CCDC170: variants seen among roughly 807,000 people sequenced by gnomAD.
CCDC170 encodes the protein coiled-coil domain-containing protein 170.
Under a neutral mutation model 72.6 loss-of-function variants are expected in CCDC170, and 69 were observed. The ratio of observed to expected loss-of-function variants is 0.95; its 90% CI spans 0.78 to 1.16. The LOEUF (loss-of-function observed/expected upper bound fraction) is 1.16. Among genes scored for constraint, CCDC170 ranks in the 50% most tolerant of loss-of-function variants. CCDC170 has a pLI of 0.00. For missense variants in CCDC170, 852 were observed against 832.5 expected (o/e 1.02, Z -0.29); for synonymous variants, 300 against 303.9 (o/e 0.99, Z 0.13).
intron 1 of CCDC170, among the ~76,000 whole-genome samples, chr6:151,515,012 A>T (rs1047875049): frequency 1.3e-5 from 2 of 152,244 alleles, no homozygotes; most frequent in African/African-American, 4.8e-5. Flanking sequence ...GATCAAGGTG[A>T]TGAGGAATGC....
intron 10 of CCDC170, among the ~76,000 whole-genome samples, chr6:151,616,232 A>C (rs1233509581): frequency 1.3e-5 from 2 of 152,100 alleles, no homozygotes; most frequent in African/African-American, 4.8e-5. Context: ...AACAGCCCCA[A>C]ATCTCAAACA....
intron 1 of CCDC170, among the ~76,000 whole-genome samples, chr6:151,503,279 A>T (rs1018017529): frequency 2.6e-5 from 4 of 152,144 alleles, no homozygotes. Flanking sequence ...AAAGAAAATA[A>T]AGCAGAATAA....
At chr6:151,505,471 C>G (rs541243576) in intron 1 of CCDC170, among the ~76,000 whole-genome samples, 1 of 152,118 alleles carries the variant, frequency 6.6e-6, no homozygotes, top group Admixed American at 6.5e-5. Flanking sequence ...GTCACGAGGT[C>G]AGGAGATCGA....
intron 3 of CCDC170, among the ~76,000 whole-genome samples, chr6:151,539,955 T>C (rs762989402): frequency 1.3e-5 from 2 of 152,194 alleles, no homozygotes; most frequent in Non-Finnish European, 2.9e-5. Flanking sequence ...ATCATATCTA[T>C]CTTCAAAACA....
At chr6:151,522,015 T>C (rs1386742223) in intron 1 of CCDC170, among the ~76,000 whole-genome samples, 1 of 147,864 alleles carries the variant, frequency 6.8e-6, no homozygotes, top group Non-Finnish European at 1.5e-5. Flanking sequence ...AAAAAATTTG[T>C]TGGGCATGTT....
intron 1 of CCDC170, among the ~76,000 whole-genome samples, chr6:151,521,574 G>C (rs1387011680): frequency 6.6e-6 from 1 of 152,120 alleles, no homozygotes; most frequent in Non-Finnish European, 1.5e-5. Flanking sequence ...TTACAGTTAA[G>C]GGAACAAGTT....
At chr6:151,596,241 A>G in intron 8 of CCDC170, 94 bp from the exon 9 acceptor site, 2 of 1,321,226 alleles carry the variant, frequency 1.5e-6, no homozygotes, top group South Asian at 3.3e-5. Context: ...ACTCTTATTG[A>G]GGTGTAGATA....
intron 4 of CCDC170, among the ~76,000 whole-genome samples, chr6:151,545,232 C>T (rs1405550880): frequency 6.6e-6 from 1 of 152,062 alleles, no homozygotes; most frequent in Non-Finnish European, 1.5e-5. Flanking sequence ...CCAGCCTGGC[C>T]AACATGGAGA....
chr6:151,602,271 A>T (rs1776721091), intron 9 of CCDC170, among the ~76,000 whole-genome samples: 1 of 152,162 alleles, frequency 6.6e-6, no homozygotes, highest in Non-Finnish European at 1.5e-5. Context: ...TTTTTCACGA[A>T]TTCCCCTACC....
At chr6:151,587,840 G>A (rs1776477020) in intron 7 of CCDC170, among the ~76,000 whole-genome samples, 1 of 152,200 alleles carries the variant, frequency 6.6e-6, no homozygotes, top group Non-Finnish European at 1.5e-5. Context: ...GGAAAAAGGA[G>A]CAATGACTTT....
At position 151,538,220 on chromosome 6, in the gene CCDC170, G is replaced by T. The variant is rs760511303; in HGVS notation, c.362G>T (p.Arg121Ile). 77 of 1,613,624 alleles carry T rather than the reference G, an allele frequency of 4.8e-5. No homozygotes were observed. In the South Asian group the frequency reaches 7.4e-4, roughly 15 times the overall value. Residue 121 changes from arginine to isoleucine, a missense_variant, in exon 3 of 11, where the codon AGA becomes ATA. Coordinates refer to ENST00000239374, the MANE Select transcript of CCDC170 (RefSeq NM_025059.4). ...ESAALSTSKI[R>I]TEITAHAAIK... ...GCAGCACTTTCCACTTCTAAAATCA[G>T]AACAGAAATCACAGCTCACGCTGCA... is the stretch of plus-strand genomic sequence containing the variant.
chr6:151,496,417 A>T (rs1040081986), intron 1 of CCDC170, among the ~76,000 whole-genome samples: 1 of 152,248 alleles, frequency 6.6e-6, no homozygotes, highest in Non-Finnish European at 1.5e-5. Flanking sequence ...TTGGCTTAAA[A>T]TAACTAAATT....
intron 10 of CCDC170, among the ~76,000 whole-genome samples, chr6:151,616,227 C>T (rs1776965559): frequency 6.6e-6 from 1 of 152,020 alleles, no homozygotes. Flanking sequence ...CAGGAAACAG[C>T]CCCAAATCTC....
intron 5 of CCDC170, among the ~76,000 whole-genome samples, chr6:151,564,949 G>C (rs1776106888): frequency 6.6e-6 from 1 of 152,138 alleles, no homozygotes; most frequent in Non-Finnish European, 1.5e-5. Flanking sequence ...CCTGCTGCTG[G>C]AGAAGGTGGG....
chr6:151,579,739 G>A (rs957007615), intron 6 of CCDC170, among the ~76,000 whole-genome samples: 47 of 152,278 alleles, frequency 3.1e-4, no homozygotes, highest in South Asian at 1.7e-3. Context: ...AATTCCTGGA[G>A]GGTTCTTTAG....
At chr6:151,577,442 A>G (rs1776318595) in intron 6 of CCDC170, among the ~76,000 whole-genome samples, 1 of 152,272 alleles carries the variant, frequency 6.6e-6, no homozygotes, top group Non-Finnish European at 1.5e-5. Flanking sequence ...TGTTTATGAA[A>G]TAATGACTTC....
At chr6:151,561,402 G>A (rs971027225) in intron 5 of CCDC170, among the ~76,000 whole-genome samples, 1 of 151,898 alleles carries the variant, frequency 6.6e-6, no homozygotes, top group Non-Finnish European at 1.5e-5. Context: ...TTTCTTGTAG[G>A]TCTGGTCTGG....
chr6:151,497,858 C>T (rs1781932060), intron 1 of CCDC170, among the ~76,000 whole-genome samples: 1 of 150,724 alleles, frequency 6.6e-6, no homozygotes, highest in Admixed American at 6.6e-5. Flanking sequence ...TGCCTGTAAT[C>T]CCAGTTACTG....
chr6:151,572,581 A>G (rs1416923477), intron 5 of CCDC170, among the ~76,000 whole-genome samples: 2 of 151,222 alleles, frequency 1.3e-5, no homozygotes, highest in Non-Finnish European at 2.9e-5. Flanking sequence ...CCACACAGAA[A>G]AGGCTTATGT....
Sources: allele counts gnomAD v4.1 joint callset (sites outside exome capture counted in the v4.1 genomes callset), GRCh38; gene constraint gnomAD v4.1.1; transcripts MANE v1.5; gene names NCBI Gene and HGNC (gene_info 2026-07-23, HGNC 2026-07-21).